ARHGAP39: variants seen among roughly 807,000 people sequenced by gnomAD.
ARHGAP39 encodes the protein Rho GTPase activating protein 39.
ARHGAP39 carries 44 observed loss-of-function variants against 106.9 expected under a neutral mutation model. The observed-to-expected ratio is 0.41, with a 90% CI of 0.32 to 0.53. ARHGAP39 has a LOEUF of 0.53. ARHGAP39 is among the 20% of genes least tolerant of loss of function. The probability of loss-of-function intolerance (pLI) is 0.21; values close to 1 mark genes in which losing one functional copy is unlikely to be tolerated. For synonymous variants in ARHGAP39, 768 were observed against 693.2 expected (o/e 1.11, Z -1.69); for missense variants, 1,496 against 1,577.3 (o/e 0.95, Z 0.87).
At chr8:144,674,016 C>A (rs966155878) in intron 1 of ARHGAP39, among the ~76,000 whole-genome samples, 1 of 152,218 alleles carries the variant, frequency 6.6e-6, no homozygotes, top group Admixed American at 6.5e-5. Flanking sequence ...CCAGGAACCA[C>A]AGAACCCCAA....
chr8:144,537,013 G>A (rs1226286276), intron 7 of ARHGAP39, among the ~76,000 whole-genome samples: 1 of 152,232 alleles, frequency 6.6e-6, no homozygotes, highest in African/African-American at 2.4e-5. Flanking sequence ...CACTGCAGGG[G>A]TCGGGAGGAC....
rs1044728818 is a variant in ARHGAP39, at chr8:144,591,990, A to G, written c.81-10713T>C. Among the ~76,000 whole-genome samples, 7 of 152,294 alleles carry G rather than the reference A, an allele frequency of 4.6e-5. No homozygotes were observed. The highest frequency in any genetic ancestry group is 4.1e-4 in the South Asian group (2 of 4,830). ...CACTTCTGTTAGATTTTAGCAGAAC[A>G]AAGTTGAGATACTCCCAAAATAGTT... On this transcript the variant is annotated intron_variant, in intron 2 of 11. Transcript: ENST00000377307. The surrounding 1 kb of genome is among the most constrained non-coding windows in gnomAD (Gnocchi z 5.3).
intron 7 of ARHGAP39, among the ~76,000 whole-genome samples, chr8:144,536,489 G>C (rs1816959813): frequency 6.6e-6 from 1 of 152,196 alleles, no homozygotes; most frequent in Non-Finnish European, 1.5e-5. Flanking sequence ...GGCCAGCGGT[G>C]TCGGTCCAGC....
intron 1 of ARHGAP39, among the ~76,000 whole-genome samples, chr8:144,635,999 T>G (rs1204546827): frequency 1.2e-5 from 1 of 83,048 alleles, no homozygotes; most frequent in Non-Finnish European, 2.3e-5. Flanking sequence ...AGAGGGGGGC[T>G]GAGGCTACCG....
At chr8:144,562,404 GC>G in intron 3 of ARHGAP39, among the ~76,000 whole-genome samples, 1 of 143,080 alleles carries the variant, frequency 7.0e-6, no homozygotes, top group African/African-American at 2.7e-5. Context: ...GGTTTCCATC[GC>G]GCTCCAGTGG....
intron 1 of ARHGAP39, among the ~76,000 whole-genome samples, chr8:144,611,930 A>C (rs1482735149): frequency 1.3e-5 from 2 of 152,044 alleles, no homozygotes; most frequent in South Asian, 4.2e-4. Flanking sequence ...AATCGCCTGA[A>C]TCTGGGAGGT....
chr8:144,626,590 CCT>C (rs1466314789), intron 1 of ARHGAP39, among the ~76,000 whole-genome samples: 3 of 151,370 alleles, frequency 2.0e-5, no homozygotes, highest in Non-Finnish European at 4.4e-5. Context: ...TGCGGCATCC[CCT>C]GTCCCGGCGG....
At chr8:144,531,064 T>C (rs529573768) in intron 10 of ARHGAP39, among the ~76,000 whole-genome samples, 193 bp from the exon 11 acceptor site, 2,100 of 152,050 alleles carry the variant, frequency 0.014, 64 homozygotes, top group African/African-American at 0.048. Context: ...GGGCCTGAAC[T>C]CGATCCTGGA....
intron 7 of ARHGAP39, among the ~76,000 whole-genome samples, chr8:144,534,680 T>C (rs1315663619): frequency 6.6e-6 from 1 of 152,206 alleles, no homozygotes; most frequent in African/African-American, 2.4e-5. Flanking sequence ...CTGAGCTATC[T>C]GCACAGCAAG....
Position 144,533,335 on chromosome 8 carries a change from C to G in ARHGAP39, c.2689-10G>C. 1 of 1,611,588 alleles carries G rather than the reference C, an allele frequency of 6.2e-7. No homozygotes were observed. The highest frequency in any genetic ancestry group is 8.5e-7 in the Non-Finnish European group (1 of 1,179,308). On this transcript the variant is annotated splice_polypyrimidine_tract_variant and intron_variant, in intron 8 of 11. Transcript: ENST00000377307. ...TGGGCTTCTTCAGCCCCTGTGAAGACAGAGGCTCCGTCCTGGTCTGGCCTG... is the reference window on the plus strand; with the variant it reads ...TGGGCTTCTTCAGCCCCTGTGAAGAGAGAGGCTCCGTCCTGGTCTGGCCTG...
intron 2 of ARHGAP39, among the ~76,000 whole-genome samples, chr8:144,600,584 G>A (rs541374462): frequency 7.0e-6 from 1 of 143,124 alleles, no homozygotes; most frequent in African/African-American, 2.6e-5. Flanking sequence ...ATGTGCACTT[G>A]TATACCTGAG....
intron 1 of ARHGAP39, among the ~76,000 whole-genome samples, chr8:144,639,661 G>GA (rs575950937): frequency 1.2e-4 from 18 of 148,946 alleles, no homozygotes; most frequent in African/African-American, 2.7e-4. Context: ...GTGCAGGGGA[G>GA]AAAAAAAAAA....
intron 1 of ARHGAP39, among the ~76,000 whole-genome samples, chr8:144,665,128 G>A (rs909656225): frequency 6.6e-6 from 1 of 152,202 alleles, no homozygotes; most frequent in Non-Finnish European, 1.5e-5. Flanking sequence ...TGACTCTCTT[G>A]TTATGTTTTA....
At chr8:144,545,211 T>C in intron 6 of ARHGAP39, 38 bp downstream of exon 6, 1 of 1,474,104 alleles carries the variant, frequency 6.8e-7, no homozygotes, top group Non-Finnish European at 9.0e-7. Flanking sequence ...TCCACTGCCC[T>C]TACCTGAGCT....
At chr8:144,531,443 A>T (rs868220129) in intron 10 of ARHGAP39, among the ~76,000 whole-genome samples, 35 of 2,568 alleles carry the variant, frequency 0.014, no homozygotes, top group Middle Eastern at 0.2. Flanking sequence ...GCAGGTGGGG[A>T]GTGGGCTAGA....
At chr8:144,588,463 G>C (rs1812545769) in intron 2 of ARHGAP39, among the ~76,000 whole-genome samples, 1 of 152,242 alleles carries the variant, frequency 6.6e-6, no homozygotes, top group African/African-American at 2.4e-5. Flanking sequence ...TCACCCTATG[G>C]GGAGGTGGCC....
chr8:144,695,958 T>A, the ARHGAP39 span, among the ~76,000 whole-genome samples: 1 of 151,916 alleles, frequency 6.6e-6, no homozygotes, highest in African/African-American at 2.4e-5. Context: ...CGAGATGGAG[T>A]CTGTCTGGCT....
chr8:144,634,943 A>G (rs1362066345), intron 1 of ARHGAP39, among the ~76,000 whole-genome samples: 1 of 152,244 alleles, frequency 6.6e-6, no homozygotes, highest in Non-Finnish European at 1.5e-5. Flanking sequence ...TTCCCTGCAC[A>G]TTCTGGCCTT....
chr8:144,537,675 G>A, intron 7 of ARHGAP39, 46 bp downstream of exon 7: 1 of 1,545,742 alleles, frequency 6.5e-7, no homozygotes, highest in Non-Finnish European at 8.9e-7. Flanking sequence ...CTGGAGAGCA[G>A]AGCTGTGCAG....
Sources: gnomAD v4.1 joint callset for allele counts (sites outside exome capture counted in the v4.1 genomes callset) on GRCh38, gnomAD v4.1.1 for gene constraint, Gnocchi (gnomAD v3.1) non-coding constraint, MANE v1.5 for transcripts, NCBI Gene and HGNC (gene_info 2026-07-23, HGNC 2026-07-21) for gene names.